RPSA2: variants seen among roughly 807,000 people sequenced by gnomAD.
RPSA2 encodes small ribosomal subunit protein uS2B.
At chr19:23,852,428 A>G in the RPSA2 span, among the ~76,000 whole-genome samples, 148,867 of 152,200 alleles carry the variant, frequency 0.98, 72,898 homozygotes, top group Middle Eastern at 1. Flanking sequence ...ACAGCCCTGG[A>G]CAGAGATTTA....
At chr19:23,764,390 A>T in the RPSA2 span, among the ~76,000 whole-genome samples, 1 of 152,216 alleles carries the variant, frequency 6.6e-6, no homozygotes, top group Admixed American at 6.5e-5. Context: ...TTTGTCCTTT[A>T]TTGTGCATTT....
the RPSA2 span, among the ~76,000 whole-genome samples, chr19:23,817,349 T>G: frequency 1.1e-4 from 16 of 152,288 alleles, no homozygotes; most frequent in South Asian, 3.1e-3. Flanking sequence ...GCCATTGCAC[T>G]CCAGCCTGGG....
chr19:23,786,780 C>T, the RPSA2 span, among the ~76,000 whole-genome samples: 1 of 151,994 alleles, frequency 6.6e-6, no homozygotes, highest in East Asian at 1.9e-4. Flanking sequence ...TCAGGCTCCG[C>T]ATATTTGGGT....
the RPSA2 span, among the ~76,000 whole-genome samples, chr19:23,829,441 A>G: frequency 1.3e-5 from 2 of 152,188 alleles, no homozygotes; most frequent in Non-Finnish European, 2.9e-5. Context: ...AGCTGAGATT[A>G]CAGGCAGGTG....
At chr19:23,767,511 G>A in the RPSA2 span, among the ~76,000 whole-genome samples, 1 of 152,118 alleles carries the variant, frequency 6.6e-6, no homozygotes, top group African/African-American at 2.4e-5. Flanking sequence ...AGGACAAGAA[G>A]ATCCCATCCC....
the RPSA2 span, among the ~76,000 whole-genome samples, chr19:23,814,433 C>G: frequency 6.6e-6 from 1 of 152,092 alleles, no homozygotes; most frequent in Non-Finnish European, 1.5e-5. Flanking sequence ...TTTCTGGGCT[C>G]TCTGTTCTTT....
the RPSA2 span, among the ~76,000 whole-genome samples, chr19:23,791,259 G>A: frequency 6.6e-6 from 1 of 152,102 alleles, no homozygotes; most frequent in Non-Finnish European, 1.5e-5. Context: ...TCTCGGCCCC[G>A]TAAGTGCTGG....
chr19:23,832,485 GC>G, the RPSA2 span: 1 of 503,808 alleles, frequency 2.0e-6, no homozygotes, highest in South Asian at 1.7e-5. Flanking sequence ...AATCTATGTG[GC>G]AAACCTTTTA....
chr19:23,790,916 T>C, the RPSA2 span: 1 of 440,570 alleles, frequency 2.3e-6, no homozygotes, highest in Admixed American at 4.3e-5. Context: ...TTGGCATCCG[T>C]CCCCTGCAGC....
the RPSA2 span, among the ~76,000 whole-genome samples, chr19:23,870,459 G>A: frequency 1.3e-5 from 2 of 151,980 alleles, no homozygotes; most frequent in East Asian, 3.9e-4. Flanking sequence ...GTATCCATGG[G>A]ACCTTGTAAA....
the RPSA2 span, among the ~76,000 whole-genome samples, chr19:23,862,774 A>T: frequency 7.9e-5 from 12 of 151,248 alleles, no homozygotes; most frequent in Non-Finnish European, 1.6e-4. Flanking sequence ...AAAAAAAAAC[A>T]GTCCTGGGGA....
the RPSA2 span, among the ~76,000 whole-genome samples, chr19:23,839,464 C>A: frequency 2.6e-5 from 4 of 152,206 alleles, no homozygotes; most frequent in African/African-American, 9.7e-5. Context: ...GCACCCCTCA[C>A]AACAGCCCCA....
the RPSA2 span, among the ~76,000 whole-genome samples, chr19:23,802,830 A>G: frequency 6.6e-6 from 1 of 152,208 alleles, no homozygotes; most frequent in Non-Finnish European, 1.5e-5. Flanking sequence ...TGGGTACAAT[A>G]AATAGACATG....
At chr19:23,791,644 C>A in the RPSA2 span, among the ~76,000 whole-genome samples, 1 of 152,164 alleles carries the variant, frequency 6.6e-6, no homozygotes, top group Non-Finnish European at 1.5e-5. Context: ...CCAGTTTCGT[C>A]TGATATTCCC....
the RPSA2 span, among the ~76,000 whole-genome samples, chr19:23,830,219 A>C: frequency 1.3e-5 from 2 of 152,134 alleles, no homozygotes; most frequent in South Asian, 4.1e-4. Context: ...ACTTCAACTC[A>C]CTGCAACCTC....
the RPSA2 span, among the ~76,000 whole-genome samples, chr19:23,838,610 G>A: frequency 8.8e-3 from 1,332 of 151,906 alleles, 6 homozygotes; most frequent in Middle Eastern, 0.034. Context: ...ATCTGTTCAG[G>A]GTATCTAATT....
the RPSA2 span, chr19:23,808,856 C>T: frequency 2.0e-6 from 1 of 509,554 alleles, no homozygotes; most frequent in Non-Finnish European, 3.4e-6. Flanking sequence ...GATGAGAGGC[C>T]CAAATCAAGA....
At chr19:23,808,483 T>C in the RPSA2 span, among the ~76,000 whole-genome samples, 8 of 152,116 alleles carry the variant, frequency 5.3e-5, no homozygotes, top group Admixed American at 2.0e-4. Context: ...GGCAGGCTGG[T>C]CTCAAACTCC....
chr19:23,835,844 C>G, the RPSA2 span, among the ~76,000 whole-genome samples: 3 of 151,960 alleles, frequency 2.0e-5, no homozygotes, highest in African/African-American at 7.3e-5. Context: ...AGGTTGGTCA[C>G]GCTGGTCTCA....
Sources: gnomAD v4.1 joint callset for allele counts (sites outside exome capture counted in the v4.1 genomes callset) on GRCh38, gnomAD v4.1.1 for gene constraint, MANE v1.5 for transcripts, NCBI Gene and HGNC (gene_info 2026-07-23, HGNC 2026-07-21) for gene names.